The following GRIA4 variants were observed in gnomAD, a reference collection of about 807,000 sequenced individuals.
GRIA4 encodes the protein glutamate ionotropic receptor AMPA type subunit 4.
GRIA4 carries 34 observed loss-of-function variants against 104.0 expected under a neutral mutation model. That is an observed-to-expected ratio of 0.33 (90% CI 0.25 to 0.44). The LOEUF (loss-of-function observed/expected upper bound fraction) is 0.44, where lower values mean the gene tolerates loss of function less well. GRIA4 is among the 20% of genes least tolerant of loss of function. GRIA4 has a pLI of 1.00. For synonymous variants in GRIA4, 386 were observed against 381.9 expected (o/e 1.01, Z -0.13); for missense variants, 750 against 1,096.5 (o/e 0.68, Z 4.46).
intron 4 of GRIA4, among the ~76,000 whole-genome samples, chr11:105,766,868 C>G (rs1363411792): frequency 6.6e-6 from 1 of 152,142 alleles, no homozygotes; most frequent in African/African-American, 2.4e-5. Flanking sequence ...TGCTTCCCCT[C>G]CAAGACTGCT....
At chr11:105,715,392 C>T (rs1591126559) in intron 3 of GRIA4, among the ~76,000 whole-genome samples, 1 of 152,200 alleles carries the variant, frequency 6.6e-6, no homozygotes, top group East Asian at 1.9e-4. Context: ...TATGCTTAAT[C>T]CCCACTGAAA....
intron 4 of GRIA4, among the ~76,000 whole-genome samples, chr11:105,820,249 G>A (rs1022961281): frequency 1.3e-5 from 2 of 152,030 alleles, no homozygotes; most frequent in Non-Finnish European, 2.9e-5. Flanking sequence ...TCACAGATAA[G>A]GAAACTCAGG....
chr11:105,659,832 GGAAA>G (rs1951953273), intron 3 of GRIA4, among the ~76,000 whole-genome samples: 1 of 151,652 alleles, frequency 6.6e-6, no homozygotes, highest in Non-Finnish European at 1.5e-5. Flanking sequence ...TTACCACAGA[GGAAA>G]GAGAGAGATG....
At chr11:105,683,210 C>A (rs1952765903) in intron 3 of GRIA4, among the ~76,000 whole-genome samples, 1 of 151,900 alleles carries the variant, frequency 6.6e-6, no homozygotes, top group Non-Finnish European at 1.5e-5. Flanking sequence ...TGTTTAATAA[C>A]AACTATACTT....
chr11:105,669,287 A>G (rs954313037), intron 3 of GRIA4, among the ~76,000 whole-genome samples: 13 of 152,076 alleles, frequency 8.5e-5, no homozygotes, highest in African/African-American at 3.1e-4. Flanking sequence ...ATCTCTCCAC[A>G]CCACAGTTAA....
intron 3 of GRIA4, among the ~76,000 whole-genome samples, chr11:105,743,105 C>T (rs1243480666): frequency 6.6e-6 from 1 of 152,044 alleles, no homozygotes; most frequent in Non-Finnish European, 1.5e-5. Flanking sequence ...TTTGTTCAAG[C>T]AGTTGGTGTG....
chr11:105,649,700 G>T (rs538325074), intron 3 of GRIA4, among the ~76,000 whole-genome samples: 1 of 151,906 alleles, frequency 6.6e-6, no homozygotes, highest in Non-Finnish European at 1.5e-5. Context: ...ATACTACTGC[G>T]AGTTTTAATT....
At chr11:105,669,682 T>A (rs926980630) in intron 3 of GRIA4, among the ~76,000 whole-genome samples, 2 of 152,132 alleles carry the variant, frequency 1.3e-5, no homozygotes, top group Admixed American at 1.3e-4. Context: ...CACATATGTA[T>A]AAATTCTCCT....
At chr11:105,703,395 G>A (rs1365869179) in intron 3 of GRIA4, among the ~76,000 whole-genome samples, 2 of 152,078 alleles carry the variant, frequency 1.3e-5, no homozygotes, top group Admixed American at 6.6e-5. Flanking sequence ...TAGTCCAGGG[G>A]AAATGTTAAA....
At chr11:105,732,124 GAGGAAGCATGAACAATA>G (rs1183810180) in intron 3 of GRIA4, among the ~76,000 whole-genome samples, 1 of 152,170 alleles carries the variant, frequency 6.6e-6, no homozygotes, top group Non-Finnish European at 1.5e-5. Flanking sequence ...TCTCTAGGCT[GAGGAAGCATGAACAATA>G]AGGAATTAAA....
intron 4 of GRIA4, among the ~76,000 whole-genome samples, chr11:105,837,811 T>C (rs1394578707): frequency 6.6e-6 from 1 of 152,152 alleles, no homozygotes; most frequent in Non-Finnish European, 1.5e-5. Flanking sequence ...AAAATATGAG[T>C]ATTGGCATGT....
intron 3 of GRIA4, among the ~76,000 whole-genome samples, chr11:105,748,933 G>C (rs747807804): frequency 6.6e-6 from 1 of 152,180 alleles, no homozygotes; most frequent in Non-Finnish European, 1.5e-5. Flanking sequence ...CAGTTTGGGG[G>C]ATCATGAGAA....
chr11:105,966,100 T>C (rs751338459), intron 14 of GRIA4: 3 of 1,366,006 alleles, frequency 2.2e-6, no homozygotes, highest in Non-Finnish European at 3.1e-6. Flanking sequence ...AAACAGTATG[T>C]AAAGTAATAG....
intron 3 of GRIA4, among the ~76,000 whole-genome samples, chr11:105,668,867 AG>A (rs975836669): frequency 6.6e-6 from 1 of 151,838 alleles, no homozygotes; most frequent in African/African-American, 2.4e-5. Context: ...TTAGTTTAAA[AG>A]GTATTTAGAC....
At chr11:105,746,143 G>A (rs1023745160) in intron 3 of GRIA4, among the ~76,000 whole-genome samples, 18 of 151,716 alleles carry the variant, frequency 1.2e-4, no homozygotes, top group African/African-American at 4.4e-4. Flanking sequence ...TGTGTGTATT[G>A]TAGGTAGGAA....
chr11:105,821,868 CTT>C (rs1394696161), intron 4 of GRIA4, among the ~76,000 whole-genome samples: 2 of 152,096 alleles, frequency 1.3e-5, no homozygotes, highest in Non-Finnish European at 2.9e-5. Flanking sequence ...CAAACCATGA[CTT>C]ATCATATTAA....
At chr11:105,811,714 T>G (rs1483844645) in intron 4 of GRIA4, among the ~76,000 whole-genome samples, 2 of 152,192 alleles carry the variant, frequency 1.3e-5, no homozygotes, top group Non-Finnish European at 2.9e-5. Flanking sequence ...TATTAAAAAA[T>G]ATTTGATATG....
intron 3 of GRIA4, among the ~76,000 whole-genome samples, chr11:105,718,578 T>C (rs1176500863): frequency 1.3e-5 from 2 of 152,188 alleles, no homozygotes; most frequent in Non-Finnish European, 2.9e-5. Context: ...TGTCTCATGA[T>C]ACTACAAATA....
At position 105,910,563 on chromosome 11, in the gene GRIA4, C is replaced by G; in HGVS notation, c.1269+18C>G. The G allele has an allele frequency of 7.9e-7, 1 of 1,268,572 alleles. No homozygotes were observed. The highest frequency in any genetic ancestry group is 1.2e-6 in the Non-Finnish European group (1 of 865,032). The allele number at this position is 1,268,572 out of a possible 1,614,324, so 78.6% of individuals were successfully genotyped here. Reference sequence around the variant, plus strand: ...CAATTATGGTAAGTGTTGGTCTATGCTTTATGGTGTTCCGTTTTGTCCACA... The same window carrying G: ...CAATTATGGTAAGTGTTGGTCTATGGTTTATGGTGTTCCGTTTTGTCCACA... On this transcript the variant is annotated intron_variant, in intron 10 of 16. Coordinates refer to ENST00000282499, the MANE Select transcript of GRIA4 (RefSeq NM_000829.4).
Sources: gnomAD v4.1 joint callset for allele counts (sites outside exome capture counted in the v4.1 genomes callset) on GRCh38, gnomAD v4.1.1 for gene constraint, MANE v1.5 for transcripts, NCBI Gene and HGNC (gene_info 2026-07-23, HGNC 2026-07-21) for gene names.